Variants in KSR2 observed in about 807,000 individuals in gnomAD.
KSR2 encodes the protein kinase suppressor of ras 2.
KSR2 carries 25 observed loss-of-function variants against 107.8 expected under a neutral mutation model. The observed-to-expected ratio is 0.23, with a 90% CI of 0.17 to 0.32. KSR2 has a LOEUF of 0.32. Ranked by LOEUF, KSR2 falls within the 10% of genes least tolerant of loss-of-function variation. KSR2 has a pLI of 1.00. For synonymous variants in KSR2, 480 were observed against 507.0 expected, an observed-to-expected ratio of 0.95 and a Z score of 0.71; for missense variants, 887 against 1,268.9, an observed-to-expected ratio of 0.70 and a Z score of 4.57.
intron 4 of KSR2, among the ~76,000 whole-genome samples, chr12:117,726,968 T>C (rs1356949865): frequency 6.6e-6 from 1 of 152,172 alleles, no homozygotes; most frequent in Non-Finnish European, 1.5e-5. Context: ...GTTGAAGTCT[T>C]AACCCCCAGT....
chr12:117,817,589 T>C (rs1891418098), intron 3 of KSR2, among the ~76,000 whole-genome samples: 1 of 152,110 alleles, frequency 6.6e-6, no homozygotes, highest in Non-Finnish European at 1.5e-5. Flanking sequence ...CATGATAATA[T>C]TACCTGATAA....
At chr12:117,617,890 C>T (rs1881971533) in intron 5 of KSR2, among the ~76,000 whole-genome samples, 1 of 152,032 alleles carries the variant, frequency 6.6e-6, no homozygotes, top group Admixed American at 6.6e-5. Flanking sequence ...GAGATAGCTC[C>T]CAATTCTGGA....
chr12:117,472,750 A>T (rs1183153387), intron 17 of KSR2, among the ~76,000 whole-genome samples: 1 of 152,222 alleles, frequency 6.6e-6, no homozygotes, highest in Non-Finnish European at 1.5e-5. Flanking sequence ...CTAAAAGATT[A>T]TAGTTATCAT....
intron 9 of KSR2, among the ~76,000 whole-genome samples, chr12:117,541,149 CAGGGAGGCAGGT>C (rs1168797162): frequency 1.4e-5 from 2 of 142,062 alleles, no homozygotes; most frequent in African/African-American, 5.4e-5. Flanking sequence ...GAATGGGAGG[CAGGGAGGCAGGT>C]AGGGAGGAAC....
At chr12:117,472,507 T>A (rs1189698185) in intron 17 of KSR2, among the ~76,000 whole-genome samples, 1 of 152,196 alleles carries the variant, frequency 6.6e-6, no homozygotes, top group Non-Finnish European at 1.5e-5. Context: ...TAGAAAGTGA[T>A]CTTTCCTCCA....
intron 7 of KSR2, among the ~76,000 whole-genome samples, chr12:117,570,220 T>C (rs891843758): frequency 3.0e-4 from 46 of 152,240 alleles, no homozygotes; most frequent in Admixed American, 5.9e-4. Context: ...GCCAGGATGG[T>C]CTCAATCTCC....
At chr12:117,724,096 C>T (rs1887316515) in intron 4 of KSR2, among the ~76,000 whole-genome samples, 1 of 152,000 alleles carries the variant, frequency 6.6e-6, no homozygotes, top group South Asian at 2.1e-4. Context: ...CACTTGAGGT[C>T]AGGAGTTCGA....
At chr12:117,491,949 T>C (rs940258521) in intron 14 of KSR2, among the ~76,000 whole-genome samples, 2 of 152,228 alleles carry the variant, frequency 1.3e-5, no homozygotes, top group South Asian at 4.1e-4. Flanking sequence ...GGTAGTACAG[T>C]CCATCTGGAG....
intron 3 of KSR2, among the ~76,000 whole-genome samples, chr12:117,824,413 C>G (rs1050488642): frequency 6.6e-6 from 1 of 152,032 alleles, no homozygotes; most frequent in African/African-American, 2.4e-5. Flanking sequence ...GAGAATAATT[C>G]AAATGTTTCT....
intron 4 of KSR2, among the ~76,000 whole-genome samples, chr12:117,690,633 G>A (rs1174554678): frequency 2.0e-5 from 3 of 152,056 alleles, no homozygotes; most frequent in Non-Finnish European, 4.4e-5. Context: ...CTTGGAAAAC[G>A]AACAACTCAA....
intron 3 of KSR2, among the ~76,000 whole-genome samples, chr12:117,774,709 C>T (rs1048122192): frequency 3.9e-5 from 6 of 152,174 alleles, no homozygotes; most frequent in African/African-American, 1.4e-4. Context: ...GTACAGAATT[C>T]GGCACCACTT....
At chr12:117,661,315 T>C (rs1175475209) in intron 5 of KSR2, among the ~76,000 whole-genome samples, 2 of 152,010 alleles carry the variant, frequency 1.3e-5, no homozygotes, top group African/African-American at 2.4e-5. Flanking sequence ...ATTGCTGAAA[T>C]TGGAATCTGG....
chr12:117,564,007 A>G (rs1205771605), intron 7 of KSR2, among the ~76,000 whole-genome samples: 1 of 152,094 alleles, frequency 6.6e-6, no homozygotes, highest in African/African-American at 2.4e-5. Context: ...AAACACCAGG[A>G]TTATTAACAG....
intron 3 of KSR2, among the ~76,000 whole-genome samples, chr12:117,810,313 T>G (rs1017998720): frequency 6.6e-6 from 1 of 152,162 alleles, no homozygotes; most frequent in African/African-American, 2.4e-5. Context: ...CAATTTTATT[T>G]TATTTATTTA....
intron 1 of KSR2, among the ~76,000 whole-genome samples, chr12:117,875,536 G>A (rs1418585657): frequency 6.6e-6 from 1 of 151,966 alleles, no homozygotes; most frequent in Non-Finnish European, 1.5e-5. Flanking sequence ...GAACAGGGCT[G>A]GCCTTATGGT....
At chr12:117,931,427 G>A (rs767490033) in intron 1 of KSR2, among the ~76,000 whole-genome samples, 1 of 152,160 alleles carries the variant, frequency 6.6e-6, no homozygotes, top group Non-Finnish European at 1.5e-5. Flanking sequence ...CTCGGATTCA[G>A]GTCACACTCC....
intron 3 of KSR2, among the ~76,000 whole-genome samples, chr12:117,792,919 C>T (rs1281743272): frequency 6.6e-6 from 1 of 150,856 alleles, no homozygotes; most frequent in Non-Finnish European, 1.5e-5. Flanking sequence ...AACATGCACA[C>T]ACCCTCACAC....
chr12:117,934,858 C>T (rs1895793488), intron 1 of KSR2, among the ~76,000 whole-genome samples: 1 of 152,140 alleles, frequency 6.6e-6, no homozygotes, highest in African/African-American at 2.4e-5. Context: ...CAGAGTCTTG[C>T]TCTGTCACCC....
chr12:117,660,705 T>G (rs1325900309), intron 5 of KSR2, among the ~76,000 whole-genome samples: 1 of 152,066 alleles, frequency 6.6e-6, no homozygotes, highest in East Asian at 1.9e-4. Context: ...GGGGTGGAAA[T>G]GAACACACAA....
Sources: allele counts gnomAD v4.1 joint callset (sites outside exome capture counted in the v4.1 genomes callset), GRCh38; gene constraint gnomAD v4.1.1; transcripts MANE v1.5; gene names NCBI Gene and HGNC (gene_info 2026-07-23, HGNC 2026-07-21).